TM4SF20: variants seen among roughly 807,000 people sequenced by gnomAD.
TM4SF20 encodes the protein transmembrane 4 L6 family member 20.
Under a neutral mutation model 15.1 loss-of-function variants are expected in TM4SF20, and 13 were observed. That is an observed-to-expected ratio of 0.86 (90% CI 0.56 to 1.36). TM4SF20 has a LOEUF of 1.36. Ranked by LOEUF, TM4SF20 falls within the 40% of genes most tolerant of loss-of-function variation. The pLI is 0.00. For missense variants in TM4SF20, 282 were observed against 268.4 expected, an observed-to-expected ratio of 1.05 and a Z score of -0.35; for synonymous variants, 92 against 96.6, an observed-to-expected ratio of 0.95 and a Z score of 0.28.
upstream of TM4SF20, among the ~76,000 whole-genome samples, chr2:227,380,255 G>A (rs1190070377): frequency 6.6e-6 from 1 of 152,174 alleles, no homozygotes; most frequent in Non-Finnish European, 1.5e-5. Flanking sequence ...ACTTGAACCT[G>A]GGGGGTGGAG....
At chr2:227,373,128 G>A (rs562130816) in intron 1 of TM4SF20, among the ~76,000 whole-genome samples, 4 of 152,156 alleles carry the variant, frequency 2.6e-5, no homozygotes, top group Admixed American at 2.0e-4. Flanking sequence ...CCATCTCATT[G>A]TCCTTCCAGT....
chr2:227,371,412 C>T (rs2076420662), intron 1 of TM4SF20, among the ~76,000 whole-genome samples: 1 of 152,196 alleles, frequency 6.6e-6, no homozygotes, highest in African/African-American at 2.4e-5. Context: ...ACGAGCATAG[C>T]TCACTGTAGC....
rs569191454 is a variant in TM4SF20, at chr2:227,372,079, A to T, written c.184-1099T>A. ...TATTTCCTTCCGCTTGAGAAATTTT[A>T]GGCGTAGGTTTTTTTGCCATCTCAG... On this transcript the variant is annotated intron_variant, in intron 1 of 3. Coordinates refer to ENST00000304568, the MANE Select transcript of TM4SF20 (RefSeq NM_024795.4). Among the ~76,000 whole-genome samples, 139 of 152,228 alleles carry T rather than the reference A, an allele frequency of 9.1e-4. 1 individual carries two copies. Among genetic ancestry groups the T allele is most frequent in the Middle Eastern group, 6.8e-3 (2 of 294 alleles).
At chr2:227,373,897 C>T (rs1281166336) in intron 1 of TM4SF20, among the ~76,000 whole-genome samples, 1 of 137,886 alleles carries the variant, frequency 7.3e-6, no homozygotes. Flanking sequence ...CCACTGCACT[C>T]CAGCCTGGTG....
intron 2 of TM4SF20, among the ~76,000 whole-genome samples, chr2:227,369,315 G>A (rs1231276037): frequency 6.6e-6 from 1 of 151,988 alleles, no homozygotes; most frequent in Non-Finnish European, 1.5e-5. Flanking sequence ...TCTAACCCCT[G>A]GCCAAATTAT....
intron 1 of TM4SF20, 60 bp from the exon 2 acceptor site, chr2:227,371,040 G>A (rs2076419268): frequency 8.5e-6 from 12 of 1,410,612 alleles, no homozygotes; most frequent in Non-Finnish European, 1.1e-5. Flanking sequence ...AGAAAAAATA[G>A]TAATCTTCAC....
chr2:227,381,360 A>AC (rs2106499086), upstream of TM4SF20, among the ~76,000 whole-genome samples: 2 of 152,210 alleles, frequency 1.3e-5, no homozygotes, highest in Admixed American at 1.3e-4. Flanking sequence ...GGGTTGAGAG[A>AC]CAGGAGACAC....
intron 1 of TM4SF20, among the ~76,000 whole-genome samples, chr2:227,377,693 G>A (rs990780216): frequency 6.6e-6 from 1 of 152,092 alleles, no homozygotes; most frequent in African/African-American, 2.4e-5. Context: ...TGGAGCTGGA[G>A]GCCATTATCC....
At chr2:227,377,737 G>A (rs924100524) in intron 1 of TM4SF20, among the ~76,000 whole-genome samples, 2 of 152,078 alleles carry the variant, frequency 1.3e-5, no homozygotes, top group African/African-American at 4.8e-5. Context: ...ACCAAAAACC[G>A]CATGTTCTCA....
At chr2:227,366,557 C>A (rs1482812242) in intron 2 of TM4SF20, among the ~76,000 whole-genome samples, 3 of 151,360 alleles carry the variant, frequency 2.0e-5, no homozygotes. Flanking sequence ...GCAAAACCCC[C>A]TCTCTACTAA....
chr2:227,368,335 T>TTATATATATATATATATATATATATATA (rs61382561), intron 2 of TM4SF20, among the ~76,000 whole-genome samples: 3 of 122,728 alleles, frequency 2.4e-5, no homozygotes, highest in Admixed American at 8.2e-5. Flanking sequence ...CATCTATTAT[T>TTATATATATATATATATATATATATATA]TATATATATA....
upstream of TM4SF20, among the ~76,000 whole-genome samples, chr2:227,380,288 C>T (rs2076473593): frequency 6.6e-6 from 1 of 152,194 alleles, no homozygotes; most frequent in Non-Finnish European, 1.5e-5. Flanking sequence ...TGAGATTGCA[C>T]CACTGCACCC....
chr2:227,371,893 G>A (rs1025238354), intron 1 of TM4SF20, among the ~76,000 whole-genome samples: 2 of 152,124 alleles, frequency 1.3e-5, no homozygotes, highest in Non-Finnish European at 1.5e-5. Flanking sequence ...TCTATAGATC[G>A]CATTCTGCCT....
chr2:227,367,446 G>T (rs1395504065), intron 2 of TM4SF20, among the ~76,000 whole-genome samples: 1 of 152,110 alleles, frequency 6.6e-6, no homozygotes, highest in Non-Finnish European at 1.5e-5. Context: ...GGCCAAGGAG[G>T]GTAGATTGCT....
intron 1 of TM4SF20, among the ~76,000 whole-genome samples, chr2:227,376,993 T>C (rs1053357333): frequency 1.3e-5 from 2 of 152,378 alleles, no homozygotes; most frequent in Non-Finnish European, 1.5e-5. Context: ...TGAGCACTTA[T>C]GTCCTTCTGT....
chr2:227,374,984 G>C (rs2076440247), intron 1 of TM4SF20, among the ~76,000 whole-genome samples: 2 of 151,646 alleles, frequency 1.3e-5, no homozygotes, highest in Admixed American at 1.3e-4. Flanking sequence ...CTGGAGTGCA[G>C]TGGCACAATC....
At chr2:227,364,072 C>T (rs773361599) in intron 3 of TM4SF20, 60 bp from the exon 4 acceptor site, 70 of 1,471,012 alleles carry the variant, frequency 4.8e-5, no homozygotes, top group Non-Finnish European at 6.4e-5. Flanking sequence ...AGGAAAGTAG[C>T]ATTGTGCACA....
chr2:227,374,925 CA>C (rs10680148), intron 1 of TM4SF20, among the ~76,000 whole-genome samples: 15,180 of 139,188 alleles, frequency 0.11, 966 homozygotes, highest in Non-Finnish European at 0.15. Flanking sequence ...ACCCTATCTA[CA>C]AAAAAAAAAA....
chr2:227,366,264 C>A lies in TM4SF20; in HGVS notation c.250-20G>T, dbSNP rs768446157. ...AAACATCTGAAAAATAAAATAGAGC[C>A]ATTTGCACATGTTATGACATGTTCT... On this transcript the variant is annotated intron_variant, in intron 2 of 3. Transcript: ENST00000304568. The A allele has an allele frequency of 4.4e-6, 7 of 1,605,858 alleles. No homozygotes were observed. Among genetic ancestry groups the A allele is most frequent in the South Asian group, 1.1e-5 (1 of 89,740 alleles).
Sources: gnomAD v4.1 joint callset for allele counts (sites outside exome capture counted in the v4.1 genomes callset) on GRCh38, gnomAD v4.1.1 for gene constraint, MANE v1.5 for transcripts, NCBI Gene and HGNC (gene_info 2026-07-23, HGNC 2026-07-21) for gene names.